The following ELAVL1 variants were observed in gnomAD, a reference collection of about 807,000 sequenced individuals.
The protein encoded by ELAVL1 is ELAV-like protein 1.
In ELAVL1, 1 loss-of-function variant was observed where a neutral mutation model predicts 28.4. The ratio of observed to expected loss-of-function variants is 0.04; its 90% CI spans 0.01 to 0.17. The LOEUF (loss-of-function observed/expected upper bound fraction) is 0.17. Ranked by LOEUF, ELAVL1 falls within the 10% of genes least tolerant of loss-of-function variation. The pLI, the probability that ELAVL1 is intolerant of heterozygous loss-of-function variation, is 1.00. For synonymous variants in ELAVL1, 174 were observed against 183.5 expected (o/e 0.95, Z 0.42); for missense variants, 157 against 447.2 (o/e 0.35, Z 5.85).
chr19:7,995,154 G>C (rs1037193797), intron 1 of ELAVL1, among the ~76,000 whole-genome samples: 3 of 152,164 alleles, frequency 2.0e-5, no homozygotes, highest in African/African-American at 7.2e-5. Flanking sequence ...TTTTAGAATA[G>C]ATCACTGGCT....
chr19:8,002,134 TA>T lies in ELAVL1; in HGVS notation c.-17+3360del, dbSNP rs984782059. ...CTACCCATCTCAGCCTTCTTGTCCC[TA>T]AAGAACCCACGTGGTTCTTTGAACA... On this transcript the variant is annotated intron_variant, in intron 1 of 5. Coordinates refer to ENST00000407627, the MANE Select transcript of ELAVL1 (RefSeq NM_001419.3). The T allele has an allele frequency of 1.0e-5, 13 of 1,289,180 alleles. No individual in the cohort carries two copies. The Admixed American group carries it at 1.8e-4, about 18-fold the overall frequency. 79.9% of individuals were successfully genotyped at this position (1,289,180 alleles called of 1,614,324 possible). A position where few individuals can be genotyped will look rare whatever the true frequency, so the allele number is the denominator to read the frequency against.
chr19:7,996,865 AAGATTTGAAC>A (rs2081051122), intron 1 of ELAVL1, among the ~76,000 whole-genome samples: 2 of 152,164 alleles, frequency 1.3e-5, no homozygotes, highest in Admixed American at 6.5e-5. Context: ...AAAATGGCAA[AAGATTTGAAC>A]AGATACTATA....
chr19:7,973,968 C>A, intron 3 of ELAVL1, 90 bp from the exon 4 acceptor site: 1 of 1,497,678 alleles, frequency 6.7e-7, no homozygotes, highest in Admixed American at 1.9e-5. Context: ...GAAAAGCCAA[C>A]ACTGTGTGTT....
At chr19:7,991,492 A>G (rs1433810199) in intron 2 of ELAVL1, 152 bp downstream of exon 2, 3 of 753,008 alleles carry the variant, frequency 4.0e-6, no homozygotes, top group Non-Finnish European at 6.2e-6. Flanking sequence ...AGCAATGGAC[A>G]GAGTTTGAAA....
intron 2 of ELAVL1, among the ~76,000 whole-genome samples, chr19:7,986,296 G>A (rs1466196260): frequency 6.6e-6 from 1 of 152,252 alleles, no homozygotes; most frequent in Non-Finnish European, 1.5e-5. Flanking sequence ...CTGAGAGACA[G>A]AGACTGGAGG....
In ELAVL1 at chr19:7,986,370, G is replaced by C. The variant is rs12327791; in HGVS notation, c.173-5184C>G. On this transcript the variant is annotated intron_variant, in intron 2 of 5. Transcript: ENST00000407627. ...AAAGGTCTGCAAAAGAAAAGAAACA[G>C]GCGAAGGACAAGAAGGGTATTTTAC... is the stretch of plus-strand genomic sequence containing the variant. Among the ~76,000 whole-genome samples the C allele has an allele frequency of 2.6e-3, 393 of 152,314 alleles. 1 individual carries two copies. The highest frequency in any genetic ancestry group is 8.3e-3 in the African/African-American group (347 of 41,566).
At chr19:7,991,120 A>G (rs1427439264) in intron 2 of ELAVL1, among the ~76,000 whole-genome samples, 1 of 152,178 alleles carries the variant, frequency 6.6e-6, no homozygotes, top group East Asian at 1.9e-4. Context: ...CATGGTGCAG[A>G]AGTTCAAGTT....
In ELAVL1 at chr19:7,981,249, C is replaced by T. The variant is rs1406985790; in HGVS notation, c.173-63G>A. ...GTCTGCGAGTGAGGGACAGGGAGGT[C>T]GGGAAGCACTATATCTGCCTGGCCT... On this transcript the variant is annotated intron_variant, in intron 2 of 5. Transcript: ENST00000407627. The surrounding 1 kb of genome is among the most constrained non-coding windows in gnomAD (Gnocchi z 4.2). 4.6e-6 allele frequency: 7 copies of T among 1,534,584 alleles called. No individual in the cohort carries two copies. Among genetic ancestry groups the T allele is most frequent in the African/African-American group, 1.4e-5 (1 of 73,262 alleles).
At chr19:7,964,037 G>A (rs1984883140) in intron 5 of ELAVL1, among the ~76,000 whole-genome samples, 1 of 152,118 alleles carries the variant, frequency 6.6e-6, no homozygotes, top group Non-Finnish European at 1.5e-5. Flanking sequence ...GGGGCTGGTT[G>A]GTGCCCTCCA....
chr19:7,964,184 T>C (rs1410758684), intron 5 of ELAVL1, among the ~76,000 whole-genome samples: 3 of 152,234 alleles, frequency 2.0e-5, no homozygotes, highest in Non-Finnish European at 4.4e-5. Context: ...CAGTTCTCCC[T>C]GGAGGAAACT....
intron 1 of ELAVL1, among the ~76,000 whole-genome samples, chr19:7,993,898 C>G (rs543646056): frequency 6.6e-6 from 1 of 152,286 alleles, no homozygotes; most frequent in South Asian, 2.1e-4. Context: ...CCTGAATCAA[C>G]GCCGAGGGAA....
At chr19:7,995,562 T>A (rs192168715) in intron 1 of ELAVL1, among the ~76,000 whole-genome samples, 1 of 152,208 alleles carries the variant, frequency 6.6e-6, no homozygotes, top group Non-Finnish European at 1.5e-5. Flanking sequence ...TGTTTATGTA[T>A]TGTCTGTCTA....
chr19:7,995,262 T>A (rs1985847256), intron 1 of ELAVL1, among the ~76,000 whole-genome samples: 3 of 152,244 alleles, frequency 2.0e-5, no homozygotes, highest in African/African-American at 7.2e-5. Context: ...TGAAGCTTGC[T>A]CAAAATGTAA....
chr19:7,967,856 C>T (rs1984996371), intron 4 of ELAVL1, 66 bp from the exon 5 acceptor site: 3 of 1,555,866 alleles, frequency 1.9e-6, no homozygotes, highest in Admixed American at 3.6e-5. Flanking sequence ...AACTGAAAAG[C>T]AAAAGTCAGG....
chr19:7,971,812 T>C (rs1985120111), intron 4 of ELAVL1, among the ~76,000 whole-genome samples: 1 of 152,180 alleles, frequency 6.6e-6, no homozygotes, highest in African/African-American at 2.4e-5. Flanking sequence ...GGCCAGTGCA[T>C]GCCAGGTGGG....
At chr19:7,992,597 C>A (rs371059774) in intron 1 of ELAVL1, among the ~76,000 whole-genome samples, 11 of 151,912 alleles carry the variant, frequency 7.2e-5, no homozygotes, top group African/African-American at 2.7e-4. Flanking sequence ...GTGGGGGGGA[C>A]AACAAATAGT....
intron 3 of ELAVL1, among the ~76,000 whole-genome samples, chr19:7,977,226 C>T (rs1985324032): frequency 6.6e-6 from 1 of 152,184 alleles, no homozygotes; most frequent in South Asian, 2.1e-4. Flanking sequence ...GTTCTGGTTC[C>T]TGAGGCTTGG....
intron 4 of ELAVL1, among the ~76,000 whole-genome samples, chr19:7,968,712 T>C (rs1985023718): frequency 6.6e-6 from 1 of 152,182 alleles, no homozygotes; most frequent in African/African-American, 2.4e-5. Context: ...TGGGGGACAT[T>C]GGTCAGCTGG....
intron 1 of ELAVL1, among the ~76,000 whole-genome samples, chr19:7,999,096 G>A (rs1171887702): frequency 6.6e-6 from 1 of 152,230 alleles, no homozygotes; most frequent in Non-Finnish European, 1.5e-5. Context: ...TTCCTGGCCT[G>A]GCGTGGTGGC....
Sources: gnomAD v4.1 joint callset for allele counts (sites outside exome capture counted in the v4.1 genomes callset) on GRCh38, gnomAD v4.1.1 for gene constraint, Gnocchi (gnomAD v3.1) non-coding constraint, MANE v1.5 for transcripts, NCBI Gene and HGNC (gene_info 2026-07-23, HGNC 2026-07-21) for gene names.